The following CCSER1 variants were observed in gnomAD, a reference collection of about 807,000 sequenced individuals.
The protein encoded by CCSER1 is coiled-coil serine rich protein 1, also known as serine-rich coiled-coil domain-containing protein 1.
A neutral mutation model predicts 82.0 loss-of-function variants in CCSER1; 41 were observed. The ratio of observed to expected loss-of-function variants is 0.50; its 90% confidence interval spans 0.39 to 0.65. The LOEUF (loss-of-function observed/expected upper bound fraction) is 0.65. Among genes scored for constraint, CCSER1 ranks in the 30% least tolerant of loss-of-function variants. The pLI, the probability that CCSER1 is intolerant of heterozygous loss-of-function variation, is 0.00. For synonymous variants in CCSER1, 414 were observed against 383.9 expected, an observed-to-expected ratio of 1.08 and a Z score of -0.92; for missense variants, 1,119 against 1,064.2, an observed-to-expected ratio of 1.05 and a Z score of -0.72.
intron 8 of CCSER1, among the ~76,000 whole-genome samples, chr4:90,825,739 T>TA (rs1301107929): frequency 1.4e-5 from 2 of 145,940 alleles, no homozygotes; most frequent in African/African-American, 5.3e-5. Context: ...TGCTTTTTTT[T>TA]TTTTTTTTTG....
chr4:91,412,762 T>C (rs1753134592), intron 10 of CCSER1, among the ~76,000 whole-genome samples: 1 of 152,140 alleles, frequency 6.6e-6, no homozygotes, highest in Non-Finnish European at 1.5e-5. Context: ...GGAAGTGGTA[T>C]TTATTCCTTC....
intron 5 of CCSER1, among the ~76,000 whole-genome samples, chr4:90,594,156 A>C (rs1349966153): frequency 9.9e-5 from 15 of 151,978 alleles, no homozygotes; most frequent in South Asian, 2.1e-4. Flanking sequence ...GAAAAAAAAA[A>C]CAAGCTCAAA....
chr4:90,817,223 A>G (rs909870733), intron 8 of CCSER1, among the ~76,000 whole-genome samples: 25 of 152,118 alleles, frequency 1.6e-4, no homozygotes, highest in African/African-American at 6.0e-4. Flanking sequence ...ATAGATATTT[A>G]TTGCATAATG....
intron 1 of CCSER1, among the ~76,000 whole-genome samples, chr4:90,223,222 A>T (rs1309466754): frequency 6.6e-6 from 1 of 152,042 alleles, no homozygotes; most frequent in Non-Finnish European, 1.5e-5. Flanking sequence ...AACCTTTTTG[A>T]TTGACTTTGC....
At chr4:91,090,655 C>T (rs1988226) in intron 10 of CCSER1, among the ~76,000 whole-genome samples, 100,162 of 152,022 alleles carry the variant, frequency 0.66, 33,441 homozygotes, top group East Asian at 0.95. Flanking sequence ...CCCATGGCCA[C>T]TGATCTCCTG....
chr4:90,310,357 G>C (rs951498403), intron 2 of CCSER1, among the ~76,000 whole-genome samples: 3 of 151,980 alleles, frequency 2.0e-5, no homozygotes, highest in Admixed American at 1.3e-4. Context: ...TATACCACCT[G>C]CTGGGCTATC....
chr4:90,764,330 A>C (rs1750870147), intron 7 of CCSER1, among the ~76,000 whole-genome samples: 1 of 152,222 alleles, frequency 6.6e-6, no homozygotes, highest in South Asian at 2.1e-4. Context: ...TGACTGATAG[A>C]GTATAAGTAG....
At chr4:90,732,833 C>G (rs1159237923) in intron 7 of CCSER1, among the ~76,000 whole-genome samples, 1 of 152,192 alleles carries the variant, frequency 6.6e-6, no homozygotes, top group Non-Finnish European at 1.5e-5. Context: ...ACTTCCAGCT[C>G]CATCCCTGTT....
chr4:91,546,716 G>A (rs550718579), intron 10 of CCSER1, among the ~76,000 whole-genome samples: 4 of 151,816 alleles, frequency 2.6e-5, no homozygotes, highest in South Asian at 2.1e-4. Context: ...TTGATTTCCT[G>A]TTTTAAATTT....
chr4:90,929,024 T>G (rs1247906904), intron 9 of CCSER1, among the ~76,000 whole-genome samples: 1 of 152,102 alleles, frequency 6.6e-6, no homozygotes, highest in Non-Finnish European at 1.5e-5. Context: ...ACAGTATTAA[T>G]TACATTTGCT....
At chr4:90,870,021 A>G (rs918023560) in intron 8 of CCSER1, among the ~76,000 whole-genome samples, 20 of 151,962 alleles carry the variant, frequency 1.3e-4, no homozygotes, top group African/African-American at 4.8e-4. Context: ...GCATCAAGAA[A>G]TGCACAGATT....
rs185485338 is a variant in CCSER1 at position 90,882,827 on chromosome 4, C to T, written c.2095-40543C>T. ...CTTAGGAATAGGTTACATAATTTCTCGGTCAAATATTTGTAAATTAAATCT... is the reference window on the plus strand; with the variant it reads ...CTTAGGAATAGGTTACATAATTTCTTGGTCAAATATTTGTAAATTAAATCT... On this transcript the variant is annotated intron_variant, in intron 8 of 10. Coordinates refer to ENST00000509176, the MANE Select transcript of CCSER1 (RefSeq NM_001145065.2). Among the ~76,000 whole-genome samples the T allele has an allele frequency of 9.9e-3, 1,506 of 151,888 alleles. 26 individuals carry two copies. Among genetic ancestry groups the T allele is most frequent in the African/African-American group, 0.034 (1,392 of 41,464 alleles).
chr4:91,082,799 C>A (rs1388535110), intron 9 of CCSER1, among the ~76,000 whole-genome samples: 1 of 152,074 alleles, frequency 6.6e-6, no homozygotes, highest in Non-Finnish European at 1.5e-5. Context: ...AGCCAAAAGA[C>A]ACATGAAAAA....
chr4:90,447,013 A>G (rs1760755314), intron 4 of CCSER1, among the ~76,000 whole-genome samples: 1 of 152,088 alleles, frequency 6.6e-6, no homozygotes, highest in African/African-American at 2.4e-5. Context: ...TTGATCTGCT[A>G]CTTATATTAT....
intron 10 of CCSER1, among the ~76,000 whole-genome samples, chr4:91,485,697 A>G (rs1169215267): frequency 6.6e-6 from 1 of 152,150 alleles, no homozygotes; most frequent in Non-Finnish European, 1.5e-5. Flanking sequence ...GATAGTTACT[A>G]ATGCACTTGG....
At chr4:91,162,927 C>T (rs191078706) in intron 10 of CCSER1, among the ~76,000 whole-genome samples, 64 of 152,070 alleles carry the variant, frequency 4.2e-4, no homozygotes, top group African/African-American at 1.5e-3. Flanking sequence ...GTGTCTCTAT[C>T]TCCTTCAGTT....
chr4:91,321,738 A>G (rs969618784), intron 10 of CCSER1, among the ~76,000 whole-genome samples: 2 of 152,086 alleles, frequency 1.3e-5, no homozygotes, highest in African/African-American at 4.8e-5. Context: ...GAGCAGACAG[A>G]ACCTTTGAGC....
intron 4 of CCSER1, among the ~76,000 whole-genome samples, chr4:90,460,571 C>A (rs944853173): frequency 6.6e-6 from 1 of 151,942 alleles, no homozygotes; most frequent in African/African-American, 2.4e-5. Context: ...TTATTTTCAT[C>A]TGTTTTTCAT....
chr4:91,000,240 GTATA>G (rs1448520526), intron 9 of CCSER1, among the ~76,000 whole-genome samples: 2 of 135,582 alleles, frequency 1.5e-5, no homozygotes, highest in South Asian at 2.4e-4. Context: ...GTATAGTATA[GTATA>G]GTATAGTATA....
Sources: allele counts gnomAD v4.1 joint callset (sites outside exome capture counted in the v4.1 genomes callset), GRCh38; gene constraint gnomAD v4.1.1; transcripts MANE v1.5; gene names NCBI Gene and HGNC (gene_info 2026-07-23, HGNC 2026-07-21).